Variants in GAS2 observed in about 807,000 individuals in gnomAD.
GAS2 encodes growth arrest-specific protein 2.
A neutral mutation model predicts 37.5 loss-of-function variants in GAS2; 20 were observed. The observed-to-expected ratio is 0.53, with a 90% CI of 0.37 to 0.77. GAS2 has a LOEUF of 0.77. GAS2 is among the 30% of genes least tolerant of loss of function. The pLI is 0.00. For missense variants in GAS2, 336 were observed against 373.4 expected (o/e 0.90, Z 0.82); for synonymous variants, 144 against 132.2 (o/e 1.09, Z -0.61).
At chr11:22,754,508 C>T (rs1191577497) in intron 6 of GAS2, among the ~76,000 whole-genome samples, 1 of 151,920 alleles carries the variant, frequency 6.6e-6, no homozygotes, top group Non-Finnish European at 1.5e-5. Context: ...TGTTCTTTTC[C>T]CCCCAAAATA....
At chr11:22,681,956 A>G (rs141196771) in intron 2 of GAS2, among the ~76,000 whole-genome samples, 3,784 of 152,170 alleles carry the variant, frequency 0.025, 74 homozygotes, top group East Asian at 0.067. Flanking sequence ...ATCATAAAGT[A>G]TATATTTAAT....
chr11:22,645,379 G>A (rs1353767408), intron 1 of GAS2, among the ~76,000 whole-genome samples: 1 of 151,972 alleles, frequency 6.6e-6, no homozygotes, highest in African/African-American at 2.4e-5. Flanking sequence ...GTGGTAGCAT[G>A]CGCCTGTAGC....
At chr11:22,789,708 G>T (rs1048722065) in intron 7 of GAS2, among the ~76,000 whole-genome samples, 2 of 151,062 alleles carry the variant, frequency 1.3e-5, no homozygotes, top group East Asian at 2.0e-4. Context: ...CTCATGATCC[G>T]CCCGCCTTGG....
chr11:22,648,063 C>G (rs1028667228), intron 1 of GAS2, among the ~76,000 whole-genome samples: 1 of 152,130 alleles, frequency 6.6e-6, no homozygotes, highest in Non-Finnish European at 1.5e-5. Context: ...TTAGGTCTAA[C>G]GTTTAAGTCT....
Position 22,812,073 on chromosome 11 carries a change from A to G in GAS2, c.*57A>G. On this transcript the variant is annotated 3_prime_UTR_variant, in exon 8 of 8. Coordinates refer to ENST00000454584, the MANE Select transcript of GAS2 (RefSeq NM_001143830.3). The stretch of plus-strand genomic sequence containing the variant: ...AATGGCCTGTATCCACTTCTCCAGT[A>G]TAGTCAGTTTAGTTCATATGTTCTG... 7.8e-7 allele frequency: 1 copy of G among 1,276,980 alleles called. No homozygotes were observed. Among genetic ancestry groups the G allele is most frequent in the Non-Finnish European group, 1.1e-6 (1 of 876,642 alleles). 79.1% of individuals were successfully genotyped at this position (1,276,980 alleles called of 1,614,324 possible).
At position 22,655,216 on chromosome 11, in the gene GAS2, G is replaced by A. The variant is rs975108148; in HGVS notation, c.-20-19634G>A. On this transcript the variant is annotated intron_variant, in intron 1 of 5. Transcript: ENST00000528582. Reference sequence around the variant, plus strand: ...AGGGCCACTGAACCTTGCCGCCTACGCTGATTCCCAGAGGCATACCTAACT... The same window carrying A: ...AGGGCCACTGAACCTTGCCGCCTACACTGATTCCCAGAGGCATACCTAACT... 4.6e-5 allele frequency among the ~76,000 whole-genome samples: 7 copies of A among 152,070 alleles called. No individual in the cohort carries two copies. In the East Asian group the frequency reaches 9.6e-4, roughly 21 times the overall value.
intron 3 of GAS2, chr11:22,702,062 A>G (rs778738866): frequency 2.2e-4 from 33 of 152,300 alleles, no homozygotes; most frequent in Non-Finnish European, 4.3e-4. Flanking sequence ...TATAATATAA[A>G]TACAGGAGCT....
chr11:22,626,019 T>C, intron 1 of GAS2: 1 of 642,010 alleles, frequency 1.6e-6, no homozygotes, highest in Non-Finnish European at 2.8e-6. Context: ...GAGGTTCTTC[T>C]TAGTGGAGGG....
At chr11:22,710,343 A>C (rs1170570174) in intron 3 of GAS2, among the ~76,000 whole-genome samples, 1 of 152,148 alleles carries the variant, frequency 6.6e-6, no homozygotes, top group African/African-American at 2.4e-5. Context: ...TGAGTACCCC[A>C]AAATAGTTTT....
intron 7 of GAS2, among the ~76,000 whole-genome samples, chr11:22,798,439 T>C (rs1856525907): frequency 6.6e-6 from 1 of 152,024 alleles, no homozygotes; most frequent in Non-Finnish European, 1.5e-5. Flanking sequence ...ATACAGCAAG[T>C]TGGCAGCCTG....
intron 7 of GAS2, among the ~76,000 whole-genome samples, chr11:22,800,782 A>G (rs779183270): frequency 6.6e-6 from 1 of 152,142 alleles, no homozygotes; most frequent in Non-Finnish European, 1.5e-5. Context: ...AAATAAAGCT[A>G]TAAAATATAA....
intron 3 of GAS2, among the ~76,000 whole-genome samples, chr11:22,703,215 A>C (rs113380671): frequency 0.015 from 2,277 of 152,266 alleles, 42 homozygotes; most frequent in African/African-American, 0.041. Context: ...TGATGACATC[A>C]TCCCTTCTAC....
At chr11:22,804,719 G>T (rs553052278) in intron 7 of GAS2, among the ~76,000 whole-genome samples, 1 of 152,098 alleles carries the variant, frequency 6.6e-6, no homozygotes, top group Admixed American at 6.6e-5. Flanking sequence ...GTAGATTCAG[G>T]TATATTGGCC....
At chr11:22,790,109 TG>T (rs1856070512) in intron 7 of GAS2, among the ~76,000 whole-genome samples, 1 of 152,112 alleles carries the variant, frequency 6.6e-6, no homozygotes, top group East Asian at 1.9e-4. Flanking sequence ...GCCAATGGCA[TG>T]ATCTCCATCT....
chr11:22,738,516 G>A (rs953401778), intron 5 of GAS2, among the ~76,000 whole-genome samples: 5 of 152,154 alleles, frequency 3.3e-5, no homozygotes, highest in African/African-American at 1.2e-4. Flanking sequence ...GTTTGAAGAA[G>A]TCTTGATGCA....
intron 7 of GAS2, among the ~76,000 whole-genome samples, chr11:22,787,679 TG>T (rs946719572): frequency 6.6e-6 from 1 of 152,198 alleles, no homozygotes; most frequent in Non-Finnish European, 1.5e-5. Context: ...AAAACACGTT[TG>T]CTTCTTTAGT....
At chr11:22,708,656 T>G (rs1252396145) in intron 3 of GAS2, among the ~76,000 whole-genome samples, 1 of 152,164 alleles carries the variant, frequency 6.6e-6, no homozygotes, top group African/African-American at 2.4e-5. Flanking sequence ...ATATTTGTAT[T>G]TATTCAATAA....
At chr11:22,678,632 T>A (rs1197930857) in intron 2 of GAS2, among the ~76,000 whole-genome samples, 1 of 152,056 alleles carries the variant, frequency 6.6e-6, no homozygotes, top group Non-Finnish European at 1.5e-5. Flanking sequence ...TTGTCTAAAA[T>A]GTAATTTTTT....
At chr11:22,723,738 G>C (rs183602390) in intron 3 of GAS2, among the ~76,000 whole-genome samples, 1 of 151,900 alleles carries the variant, frequency 6.6e-6, no homozygotes, top group East Asian at 1.9e-4. Context: ...TCTTAAAGTG[G>C]CTCATTGTTT....
Sources: gnomAD v4.1 joint callset for allele counts (sites outside exome capture counted in the v4.1 genomes callset) on GRCh38, gnomAD v4.1.1 for gene constraint, MANE v1.5 for transcripts, NCBI Gene and HGNC (gene_info 2026-07-23, HGNC 2026-07-21) for gene names.